BBX: variants seen among roughly 807,000 people sequenced by gnomAD.
BBX encodes BBX high mobility group box domain containing, also known as HMG box transcription factor BBX.
BBX carries 30 observed loss-of-function variants against 100.2 expected under a neutral mutation model. The ratio of observed to expected loss-of-function variants is 0.30; its 90% CI spans 0.22 to 0.41. BBX has a LOEUF of 0.41. BBX is among the 10% of genes least tolerant of loss of function. BBX has a pLI of 1.00. For missense variants in BBX, 1,023 were observed against 1,129.8 expected, an observed-to-expected ratio of 0.91 and a Z score of 1.35; for synonymous variants, 376 against 388.1, an observed-to-expected ratio of 0.97 and a Z score of 0.37.
rs1463721138 is a variant in BBX, at chr3:107,807,740, C to CT, written c.*2290dup. On this transcript the variant is annotated 3_prime_UTR_variant, in exon 18 of 18. Transcript: ENST00000325805. ...AAAAAAAAAGCAAAACAAAAGATTA[C>CT]TTTTTTTCTATGTGATTAATATCTT... 2.7e-5 allele frequency: 4 copies of CT among 150,924 alleles called. No homozygotes were observed. Among genetic ancestry groups the CT allele is most frequent in the African/African-American group, 7.3e-5 (3 of 41,150 alleles). The allele number at this position is 150,924 out of a possible 1,614,324, so 9.3% of individuals were successfully genotyped here.
chr3:107,628,110 A>G (rs1016209899), intron 2 of BBX, among the ~76,000 whole-genome samples: 2 of 152,216 alleles, frequency 1.3e-5, no homozygotes, highest in Admixed American at 1.3e-4. Flanking sequence ...TCAGTAGACT[A>G]TCTTGATTTA....
At chr3:107,674,983 C>T (rs962033863) in intron 3 of BBX, 2 of 152,166 alleles carry the variant, frequency 1.3e-5, no homozygotes, top group Admixed American at 6.5e-5. Flanking sequence ...AAGGCATGCT[C>T]CTGCTTACAG....
intron 10 of BBX, among the ~76,000 whole-genome samples, chr3:107,772,126 G>A (rs2066953009): frequency 6.6e-6 from 1 of 152,036 alleles, no homozygotes; most frequent in South Asian, 2.1e-4. Flanking sequence ...AAACACTTTC[G>A]TTTTCAAGCA....
chr3:107,781,701 T>A (rs2067907832), intron 13 of BBX, among the ~76,000 whole-genome samples: 1 of 151,984 alleles, frequency 6.6e-6, no homozygotes, highest in South Asian at 2.1e-4. Flanking sequence ...AGAAAAAAAA[T>A]TGTGTTGAAA....
chr3:107,631,985 C>T (rs2056577959), intron 2 of BBX, among the ~76,000 whole-genome samples: 1 of 152,174 alleles, frequency 6.6e-6, no homozygotes, highest in Non-Finnish European at 1.5e-5. Context: ...AATTCAGTTG[C>T]CTTTCTTTAG....
In BBX at chr3:107,559,537, A is replaced by G. The variant is rs767069391; in HGVS notation, c.-84+33139A>G. On this transcript the variant is annotated intron_variant, in intron 2 of 17. Coordinates refer to ENST00000325805, the MANE Select transcript of BBX (RefSeq NM_001142568.3). ...GGAGTGTGTAGAGAAATTGCAGTTCAGAACTGGAGCATGCAGTTAGGCAAG... is the reference window on the plus strand; with the variant it reads ...GGAGTGTGTAGAGAAATTGCAGTTCGGAACTGGAGCATGCAGTTAGGCAAG... Among the ~76,000 whole-genome samples the G allele has an allele frequency of 1.8e-4, 28 of 152,308 alleles. 2 individuals are homozygous for G. The East Asian group carries it at 4.3e-3, about 23-fold the overall frequency.
At position 107,641,564 on chromosome 3, in the gene BBX, C is replaced by A. The variant is rs888155608; in HGVS notation, c.-83-4272C>A. 3.6e-4 allele frequency among the ~76,000 whole-genome samples: 55 copies of A among 152,194 alleles called. 1 individual carries two copies. The highest frequency in any genetic ancestry group is 2.4e-3 in the Admixed American group (37 of 15,282). On this transcript the variant is annotated intron_variant, in intron 2 of 17. Coordinates refer to ENST00000325805, the MANE Select transcript of BBX (RefSeq NM_001142568.3). ...TTTTTGGAGAATCCAAACAAATGGA[C>A]AAATCTGTAATTACTTAGTAGTTAC... is the stretch of plus-strand genomic sequence containing the variant.
Position 107,526,319 on chromosome 3 carries a change from C to CT in BBX, c.-155-5dup. ...ACTGATGATGTACCTTTATTTGATA[C>CT]TTTATAGGTCACTATCATATGACAA... On this transcript the variant is annotated splice_polypyrimidine_tract_variant and splice_region_variant and intron_variant, in intron 1 of 17. Coordinates refer to ENST00000325805, the MANE Select transcript of BBX (RefSeq NM_001142568.3). 1 of 398,616 alleles carries CT rather than the reference C, an allele frequency of 2.5e-6. No individual in the cohort carries two copies. 24.7% of individuals were successfully genotyped at this position (398,616 alleles called of 1,614,324 possible).
chr3:107,776,992 T>C (rs2067370925), intron 12 of BBX, among the ~76,000 whole-genome samples: 1 of 152,182 alleles, frequency 6.6e-6, no homozygotes, highest in South Asian at 2.1e-4. Flanking sequence ...AGTTCCCCCT[T>C]AGCCATATTT....
intron 3 of BBX, among the ~76,000 whole-genome samples, chr3:107,647,334 CTT>C (rs2057578513): frequency 6.6e-6 from 1 of 152,174 alleles, no homozygotes; most frequent in Admixed American, 6.5e-5. Flanking sequence ...AAGCCGGACA[CTT>C]TATCTGACCT....
chr3:107,551,981 T>C (rs1277729111), intron 2 of BBX, among the ~76,000 whole-genome samples: 7 of 152,152 alleles, frequency 4.6e-5, no homozygotes, highest in Non-Finnish European at 1.0e-4. Flanking sequence ...ACATGGCACA[T>C]GGAAGATTCC....
rs150535199 is a variant in BBX at position 107,571,903 on chromosome 3, G to T, written c.-84+45505G>T. ...GTGTATGTGTGGTACGTATGTGCAT[G>T]CACATGTGGTTCACTTTAATCCACC... On this transcript the variant is annotated intron_variant, in intron 2 of 17. Coordinates refer to ENST00000325805, the MANE Select transcript of BBX (RefSeq NM_001142568.3). Among the ~76,000 whole-genome samples, 1,326 of 152,342 alleles carry T rather than the reference G, an allele frequency of 8.7e-3. 25 individuals are homozygous for T. The highest frequency in any genetic ancestry group is 0.03 in the African/African-American group (1,264 of 41,572).
At chr3:107,587,619 G>A (rs1024065599) in intron 2 of BBX, among the ~76,000 whole-genome samples, 6 of 152,176 alleles carry the variant, frequency 3.9e-5, no homozygotes, top group Non-Finnish European at 8.8e-5. Context: ...GAATATGTGA[G>A]TGGGGCCTTG....
At chr3:107,540,125 T>TTATG (rs1309661305) in intron 2 of BBX, among the ~76,000 whole-genome samples, 1 of 152,172 alleles carries the variant, frequency 6.6e-6, no homozygotes, top group Admixed American at 6.5e-5. Flanking sequence ...TGGACAGTGT[T>TTATG]TATGTAGTTC....
chr3:107,712,287 T>C (rs2061774177), intron 4 of BBX, among the ~76,000 whole-genome samples: 1 of 152,208 alleles, frequency 6.6e-6, no homozygotes, highest in Non-Finnish European at 1.5e-5. Context: ...CAATCTTAAT[T>C]TCTACCTCCA....
intron 13 of BBX, among the ~76,000 whole-genome samples, chr3:107,782,271 C>T (rs752455230): frequency 6.6e-6 from 1 of 152,036 alleles, no homozygotes; most frequent in Non-Finnish European, 1.5e-5. Flanking sequence ...AATGCACATG[C>T]CCTGCAGGTG....
intron 17 of BBX, 111 bp downstream of exon 17, chr3:107,801,392 C>T (rs762103423): frequency 2.5e-6 from 3 of 1,180,194 alleles, no homozygotes; most frequent in Non-Finnish European, 3.5e-6. Flanking sequence ...GGTTCAAGAG[C>T]ACTATTGGTT....
At chr3:107,760,907 T>G (rs1403774) in intron 10 of BBX, among the ~76,000 whole-genome samples, 54,418 of 152,014 alleles carry the variant, frequency 0.36, 10,911 homozygotes, top group East Asian at 0.92. Context: ...GATTTCTGAC[T>G]TCTGAAAATT....
In BBX at chr3:107,602,319, A is replaced by T. The variant is rs182988016; in HGVS notation, c.-83-43517A>T. ...TTTAAGAAATACATTTCCTAAGGCT[A>T]CAGCTGCTATAAATAGTGATTATAG... On this transcript the variant is annotated intron_variant, in intron 2 of 17. Coordinates refer to ENST00000325805, the MANE Select transcript of BBX (RefSeq NM_001142568.3). Among the ~76,000 whole-genome samples the T allele has an allele frequency of 5.9e-5, 9 of 152,338 alleles. No individual in the cohort carries two copies. The East Asian group carries it at 1.7e-3, about 29-fold the overall frequency.
Sources: gnomAD v4.1 joint callset for allele counts (sites outside exome capture counted in the v4.1 genomes callset) on GRCh38, gnomAD v4.1.1 for gene constraint, MANE v1.5 for transcripts, NCBI Gene and HGNC (gene_info 2026-07-23, HGNC 2026-07-21) for gene names.